HECW2: variants seen among roughly 807,000 people sequenced by gnomAD.
HECW2 encodes HECT, C2 and WW domain containing E3 ubiquitin protein ligase 2, also known as E3 ubiquitin-protein ligase HECW2.
In HECW2, 61 loss-of-function variants were observed where a neutral mutation model predicts 175.2. The observed-to-expected ratio is 0.35, with a 90% CI of 0.28 to 0.43. The LOEUF is 0.43. Among genes scored for constraint, HECW2 ranks in the 20% least tolerant of loss-of-function variants. HECW2 has a pLI of 1.00. For missense variants in HECW2, 1,524 were observed against 2,000.5 expected (o/e 0.76, Z 4.54); for synonymous variants, 671 against 731.0 (o/e 0.92, Z 1.32).
intron 1 of HECW2, among the ~76,000 whole-genome samples, chr2:196,509,926 A>G (rs1687888059): frequency 6.6e-6 from 1 of 152,204 alleles, no homozygotes; most frequent in South Asian, 2.1e-4. Context: ...GCTTGCTCTG[A>G]GACTCTTTTA....
intron 21 of HECW2, chr2:196,239,767 G>A (rs1042292475): frequency 6.6e-6 from 1 of 152,206 alleles, no homozygotes; most frequent in African/African-American, 2.4e-5. Flanking sequence ...CTAATGTGAT[G>A]TGTAATAACA....
chr2:196,363,844 G>A (rs1054626327), intron 2 of HECW2, among the ~76,000 whole-genome samples: 1 of 152,000 alleles, frequency 6.6e-6, no homozygotes, highest in Non-Finnish European at 1.5e-5. Context: ...AAGAAAGGAG[G>A]AAAAGAAAGA....
At chr2:196,385,343 T>A (rs1694317643) in intron 2 of HECW2, among the ~76,000 whole-genome samples, 1 of 152,200 alleles carries the variant, frequency 6.6e-6, no homozygotes, top group African/African-American at 2.4e-5. Flanking sequence ...AGTTACTTAA[T>A]GAAAAGTATT....
intron 2 of HECW2, among the ~76,000 whole-genome samples, chr2:196,405,347 C>G (rs986719434): frequency 2.0e-5 from 3 of 152,166 alleles, no homozygotes; most frequent in Non-Finnish European, 4.4e-5. Flanking sequence ...TGCCAGGCAA[C>G]TTTGCCACAG....
chr2:196,572,591 T>G (rs78084322), intron 1 of HECW2, among the ~76,000 whole-genome samples: 1 of 152,194 alleles, frequency 6.6e-6, no homozygotes, highest in Admixed American at 6.5e-5. Context: ...ATAGCAAATT[T>G]TATGGTATAT....
chr2:196,457,728 G>GT (rs1199194942), intron 1 of HECW2, among the ~76,000 whole-genome samples: 1 of 152,108 alleles, frequency 6.6e-6, no homozygotes, highest in East Asian at 1.9e-4. Flanking sequence ...TACAAATTTT[G>GT]TAAGTCTGTG....
chr2:196,553,358 T>C (rs1265123399), intron 1 of HECW2, among the ~76,000 whole-genome samples: 1 of 152,198 alleles, frequency 6.6e-6, no homozygotes, highest in Non-Finnish European at 1.5e-5. Context: ...TACTTGGCAC[T>C]GAGACTCTTT....
chr2:196,517,710 T>C lies in HECW2; in HGVS notation c.-36+75798A>G, dbSNP rs1056912596. On this transcript the variant is annotated intron_variant, in intron 1 of 28. Transcript: ENST00000644978. ...TAAGTTTTCTTAAATAAAAAGTGAG[T>C]AAATAGAACAAAAATATCAGATAAT... is the stretch of plus-strand genomic sequence containing the variant. Among the ~76,000 whole-genome samples the C allele has an allele frequency of 1.1e-4, 16 of 152,226 alleles. No individual in the cohort carries two copies. The South Asian group carries it at 2.9e-3, about 28-fold the overall frequency.
intron 2 of HECW2, among the ~76,000 whole-genome samples, chr2:196,371,260 G>GAT (rs1375000335): frequency 6.6e-6 from 1 of 152,036 alleles, no homozygotes; most frequent in Non-Finnish European, 1.5e-5. Context: ...TGTCATTTTT[G>GAT]ATTTTGCATA....
At chr2:196,206,890 A>G (rs929597735) in intron 28 of HECW2, among the ~76,000 whole-genome samples, 5 of 152,208 alleles carry the variant, frequency 3.3e-5, no homozygotes, top group African/African-American at 4.8e-5. Context: ...AACAGTTAAT[A>G]ATACTATGAG....
chr2:196,548,841 T>C (rs1215403485), intron 1 of HECW2, among the ~76,000 whole-genome samples: 1 of 152,204 alleles, frequency 6.6e-6, no homozygotes, highest in East Asian at 1.9e-4. Flanking sequence ...GTCTTTCTCC[T>C]ATGCCTCCTC....
At chr2:196,513,653 T>C (rs1032594118) in intron 1 of HECW2, among the ~76,000 whole-genome samples, 2 of 152,176 alleles carry the variant, frequency 1.3e-5, no homozygotes, top group Non-Finnish European at 2.9e-5. Context: ...TATAATGAAA[T>C]ATTTAACTGT....
At chr2:196,577,617 G>C (rs888074901) in intron 1 of HECW2, among the ~76,000 whole-genome samples, 8 of 152,044 alleles carry the variant, frequency 5.3e-5, no homozygotes, top group Admixed American at 3.3e-4. Flanking sequence ...CTAATCTCTG[G>C]CTCACCTTGA....
At chr2:196,373,959 GA>G (rs1693977399) in intron 2 of HECW2, among the ~76,000 whole-genome samples, 1 of 151,288 alleles carries the variant, frequency 6.6e-6, no homozygotes, top group Non-Finnish European at 1.5e-5. Flanking sequence ...GTGAACCCGG[GA>G]GGCGGAGCTT....
At chr2:196,424,776 T>C (rs1379563754) in intron 2 of HECW2, among the ~76,000 whole-genome samples, 2 of 152,178 alleles carry the variant, frequency 1.3e-5, no homozygotes, top group South Asian at 2.1e-4. Flanking sequence ...GCCATCTCTA[T>C]AGCATAAAAG....
intron 5 of HECW2, among the ~76,000 whole-genome samples, chr2:196,326,801 G>A (rs997976883): frequency 6.6e-6 from 1 of 152,162 alleles, no homozygotes; most frequent in Non-Finnish European, 1.5e-5. Flanking sequence ...AGAAGGAAAA[G>A]ACGGGTAAAG....
chr2:196,487,464 T>C lies in HECW2; in HGVS notation c.-35-54006A>G, dbSNP rs143857483. On this transcript the variant is annotated intron_variant, in intron 1 of 28. Transcript: ENST00000644978. ...TGAAGAAAGGCTCCCTGTTTATTTC[T>C]GGGAAAATGTAACCTTATCCAGACC... Among the ~76,000 whole-genome samples, 440 of 152,302 alleles carry C rather than the reference T, an allele frequency of 2.9e-3. 1 individual carries two copies. The highest frequency in any genetic ancestry group is 0.01 in the African/African-American group (416 of 41,578).
At chr2:196,318,388 G>T (rs1691783010) in intron 9 of HECW2, among the ~76,000 whole-genome samples, 164 bp downstream of exon 9, 1 of 152,114 alleles carries the variant, frequency 6.6e-6, no homozygotes, top group South Asian at 2.1e-4. Context: ...TCTCTTCCTG[G>T]CCCTGTTTTC....
intron 6 of HECW2, 142 bp downstream of exon 6, chr2:196,324,838 A>C: frequency 1.8e-6 from 1 of 540,732 alleles, no homozygotes; most frequent in Non-Finnish European, 3.1e-6. Flanking sequence ...AGATGGGAAT[A>C]GCTCATTCTC....
Sources: gnomAD v4.1 joint callset for allele counts (sites outside exome capture counted in the v4.1 genomes callset) on GRCh38, gnomAD v4.1.1 for gene constraint, MANE v1.5 for transcripts, NCBI Gene and HGNC (gene_info 2026-07-23, HGNC 2026-07-21) for gene names.